PIEZO2: variants seen among roughly 807,000 people sequenced by gnomAD.
The protein encoded by PIEZO2 is piezo-type mechanosensitive ion channel component 2.
A neutral mutation model predicts 337.3 loss-of-function variants in PIEZO2; 172 were observed. That is an observed-to-expected ratio of 0.51 (90% confidence interval 0.45 to 0.58). The LOEUF is 0.58. Among genes scored for constraint, PIEZO2 ranks in the 20% least tolerant of loss-of-function variants. PIEZO2 has a pLI of 0.00. For synonymous variants in PIEZO2, 1,251 were observed against 1,228.5 expected (o/e 1.02, Z -0.38); for missense variants, 3,028 against 3,391.3 (o/e 0.89, Z 2.66).
intron 2 of PIEZO2, among the ~76,000 whole-genome samples, chr18:11,026,031 A>G (rs2036528479): frequency 1.2e-4 from 18 of 152,116 alleles, no homozygotes; most frequent in Admixed American, 1.1e-3. Flanking sequence ...CACCATCACA[A>G]GTAGGAAGCG....
intron 2 of PIEZO2, among the ~76,000 whole-genome samples, chr18:11,020,852 G>A (rs1271241518): frequency 6.6e-6 from 1 of 152,200 alleles, no homozygotes; most frequent in Non-Finnish European, 1.5e-5. Context: ...TTCTGCTACT[G>A]TGCTCTTTCA....
intron 4 of PIEZO2, among the ~76,000 whole-genome samples, chr18:10,879,344 C>T (rs551659582): frequency 1.3e-5 from 2 of 152,032 alleles, no homozygotes; most frequent in Admixed American, 6.5e-5. Context: ...TACTAAACTA[C>T]CTCAAACTTC....
chr18:10,745,031 A>G (rs892120945), intron 30 of PIEZO2, among the ~76,000 whole-genome samples: 6 of 151,660 alleles, frequency 4.0e-5, no homozygotes, highest in Admixed American at 3.9e-4. Flanking sequence ...GCTTTTCTCA[A>G]GTCTTGAAGT....
chr18:10,823,080 G>C (rs2040567887), intron 7 of PIEZO2, among the ~76,000 whole-genome samples: 2 of 152,244 alleles, frequency 1.3e-5, no homozygotes, highest in South Asian at 4.1e-4. Flanking sequence ...TATGACCTTA[G>C]AGCTATTGCC....
At position 11,132,753 on chromosome 18, in the gene PIEZO2, T is replaced by C. The variant is rs1435745437; in HGVS notation, c.64+15772A>G. On this transcript the variant is annotated intron_variant, in intron 1 of 55. Coordinates refer to ENST00000674853, the MANE Select transcript of PIEZO2 (RefSeq NM_001378183.1). The surrounding 1 kb of genome is among the most constrained non-coding windows in gnomAD (Gnocchi z 4.7). ...GGACACTTTGGGCTCCTCCTACCTT[T>C]AAGTCAACAGGCTAAGAAGGGAGTT... Among the ~76,000 whole-genome samples, 2 of 152,162 alleles carry C rather than the reference T, an allele frequency of 1.3e-5. No homozygotes were observed. Among genetic ancestry groups the C allele is most frequent in the African/African-American group, 4.8e-5 (2 of 41,438 alleles).
At chr18:11,056,895 T>A (rs1187836162) in intron 2 of PIEZO2, among the ~76,000 whole-genome samples, 1 of 152,238 alleles carries the variant, frequency 6.6e-6, no homozygotes, top group African/African-American at 2.4e-5. Flanking sequence ...ATTCTGAAAT[T>A]GTCCAGAGCC....
rs1431785636 is a variant in PIEZO2 at position 11,002,179 on chromosome 18, A to G, written c.161-22519T>C. On this transcript the variant is annotated intron_variant, in intron 2 of 55. Coordinates refer to ENST00000674853, the MANE Select transcript of PIEZO2 (RefSeq NM_001378183.1). The surrounding 1 kb of genome is among the most constrained non-coding windows in gnomAD (Gnocchi z 4.3). ...ATGGACACTAACATTTGAATTTCAG[A>G]TAACTTTCATGCGCCACAAATAATT... 1.3e-5 allele frequency among the ~76,000 whole-genome samples: 2 copies of G among 152,220 alleles called. No individual in the cohort carries two copies. The highest frequency in any genetic ancestry group is 4.8e-5 in the African/African-American group (2 of 41,468).
intron 11 of PIEZO2, among the ~76,000 whole-genome samples, 180 bp from the exon 12 acceptor site, chr18:10,797,702 G>C (rs2039662034): frequency 6.6e-6 from 1 of 152,184 alleles, no homozygotes; most frequent in South Asian, 2.1e-4. Flanking sequence ...TGCATGGTCA[G>C]TGTAATGGGA....
Position 10,878,380 on chromosome 18 carries a change from G to A in PIEZO2, c.330-6965C>T, listed in dbSNP as rs185864829. ...CATAAAGAGCTCTGTAATTCAGCTCGGGGAAGATAATACACAAACACTAAG... is the reference window on the plus strand; with the variant it reads ...CATAAAGAGCTCTGTAATTCAGCTCAGGGAAGATAATACACAAACACTAAG... On this transcript the variant is annotated intron_variant, in intron 4 of 55. Coordinates refer to ENST00000674853, the MANE Select transcript of PIEZO2 (RefSeq NM_001378183.1). The surrounding 1 kb of genome is among the most constrained non-coding windows in gnomAD (Gnocchi z 4.3). 2.9e-4 allele frequency among the ~76,000 whole-genome samples: 44 copies of A among 152,284 alleles called. No homozygotes were observed. Among genetic ancestry groups the A allele is most frequent in the Non-Finnish European group, 5.3e-4 (36 of 68,026 alleles).
chr18:10,932,789 T>C (rs2032167332), intron 3 of PIEZO2, among the ~76,000 whole-genome samples: 1 of 151,940 alleles, frequency 6.6e-6, no homozygotes, highest in African/African-American at 2.4e-5. Flanking sequence ...CCAGGTGTGA[T>C]GGTGCAAGCC....
At chr18:10,680,848 A>G (rs1416500425) in intron 51 of PIEZO2, among the ~76,000 whole-genome samples, 1 of 152,030 alleles carries the variant, frequency 6.6e-6, no homozygotes, top group Non-Finnish European at 1.5e-5. Context: ...CTTCCTATTC[A>G]CTCTCTTAAA....
At chr18:10,916,274 G>C (rs1270903235) in intron 3 of PIEZO2, among the ~76,000 whole-genome samples, 1 of 152,164 alleles carries the variant, frequency 6.6e-6, no homozygotes, top group Non-Finnish European at 1.5e-5. Flanking sequence ...CCAGTCCCAC[G>C]CTGCACGCCC....
intron 1 of PIEZO2, among the ~76,000 whole-genome samples, chr18:11,124,404 T>C (rs2040122533): frequency 1.3e-5 from 2 of 152,190 alleles, no homozygotes; most frequent in Non-Finnish European, 2.9e-5. Flanking sequence ...TGTCAAGCCA[T>C]AGAAATACAA....
chr18:11,089,932 G>A (rs2039022052), intron 1 of PIEZO2, among the ~76,000 whole-genome samples: 1 of 152,174 alleles, frequency 6.6e-6, no homozygotes, highest in Non-Finnish European at 1.5e-5. Flanking sequence ...TTGATCTCAC[G>A]AGTTTCTAAT....
intron 13 of PIEZO2, among the ~76,000 whole-genome samples, chr18:10,793,841 AAT>A (rs1430188782): frequency 6.6e-6 from 1 of 152,218 alleles, no homozygotes; most frequent in East Asian, 1.9e-4. Context: ...CTGTCACTAG[AAT>A]TCACCTGTTG....
At chr18:10,989,329 A>T (rs907814426) in intron 2 of PIEZO2, among the ~76,000 whole-genome samples, 2 of 152,276 alleles carry the variant, frequency 1.3e-5, no homozygotes, top group Non-Finnish European at 1.5e-5. Context: ...ATAGAAAAAA[A>T]TAATACTGGA....
Position 10,899,238 on chromosome 18 carries a change from A to C in PIEZO2, c.329+11948T>G, listed in dbSNP as rs145961277. Among the ~76,000 whole-genome samples, 8 of 152,318 alleles carry C rather than the reference A, an allele frequency of 5.3e-5. No individual in the cohort carries two copies. Among genetic ancestry groups the C allele is most frequent in the Middle Eastern group, 3.4e-3 (1 of 294 alleles). ...TATGGAAGTCATACAATACTGGGAC[A>C]ATCCTGTAGTTGTTCGCTACTTCAA... On this transcript the variant is annotated intron_variant, in intron 4 of 55. Transcript: ENST00000674853. The surrounding 1 kb of genome is among the most constrained non-coding windows in gnomAD (Gnocchi z 4.6).
At position 10,784,953 on chromosome 18, in the gene PIEZO2, C is replaced by T. The variant is rs2039166856; in HGVS notation, c.2323G>A (p.Glu775Lys). ...GTAAACTGCTTTAAGCCAAGATCCT[C>T]AAGCCTGCAAAACAAAACAAAATAA... ...NMTGLKKEKLEDLGLKQFTVA... is the reference protein window; with the variant it reads ...NMTGLKKEKLKDLGLKQFTVA... The change falls in exon 17 of 56, where the codon GAG becomes AAG. Residue 775 changes from glutamate (E) to lysine (K), a missense_variant. Transcript: ENST00000674853. This position sits in a 1 kb window ranked among gnomAD's most constrained non-coding sequence, Gnocchi z 4.5. The T allele has an allele frequency of 7.2e-6, 11 of 1,531,920 alleles. No homozygotes were observed. In the East Asian group the frequency reaches 2.7e-4, roughly 37 times the overall value. The allele number at this position is 1,531,920 out of a possible 1,614,324, so 94.9% of individuals were successfully genotyped here.
chr18:10,678,933 CTTTTTTTT>C (rs552952913), intron 52 of PIEZO2, among the ~76,000 whole-genome samples: 2 of 128,548 alleles, frequency 1.6e-5, no homozygotes, highest in African/African-American at 5.8e-5. Flanking sequence ...GCTGCAATTT[CTTTTTTTT>C]TTTTTTTTTT....
Sources: gnomAD v4.1 joint callset for allele counts (sites outside exome capture counted in the v4.1 genomes callset) on GRCh38, gnomAD v4.1.1 for gene constraint, Gnocchi (gnomAD v3.1) non-coding constraint, MANE v1.5 for transcripts, NCBI Gene and HGNC (gene_info 2026-07-23, HGNC 2026-07-21) for gene names.